Variants in RAD50 observed in about 807,000 individuals in gnomAD.
RAD50 encodes RAD50 double strand break repair protein.
Under a neutral mutation model 168.8 loss-of-function variants are expected in RAD50, and 132 were observed. That is an observed-to-expected ratio of 0.78 (90% CI 0.68 to 0.90). The LOEUF (loss-of-function observed/expected upper bound fraction) is 0.90, where lower values mean the gene tolerates loss of function less well. Ranked by LOEUF, RAD50 falls within the 40% of genes least tolerant of loss-of-function variation. The pLI, the probability that RAD50 is intolerant of heterozygous loss-of-function variation, is 0.00. For missense variants in RAD50, 1,347 were observed against 1,534.4 expected (o/e 0.88, Z 2.04); for synonymous variants, 525 against 497.4 (o/e 1.06, Z -0.74).
chr5:132,603,158 TA>T, intron 13 of RAD50, 141 bp from the exon 14 acceptor site: 2 of 762,100 alleles, frequency 2.6e-6, no homozygotes, highest in South Asian at 3.7e-5. Flanking sequence ...GACATATTGA[TA>T]TCATGATTCC....
Position 132,591,358 on chromosome 5 carries a change from CCA to C in RAD50, c.1588_1589del (p.His530SerfsTer17). 1 of 1,613,926 alleles carries C rather than the reference CCA, an allele frequency of 6.2e-7. No individual in the cohort carries two copies. The highest frequency in any genetic ancestry group is 1.7e-5 in the Admixed American group (1 of 60,010). ...TTGACCAGGAGATGGAGCAGTTAAA[CCA>C]TCATACAACAACACGTACCCAAATG... ...KLDQEMEQLNHHTTTRTQMEM... is the reference protein window; with the variant it reads ...KLDQEMEQLNXHTTTRTQMEM... On this transcript the variant is annotated frameshift_variant, in exon 10 of 25. Transcript: ENST00000378823. LOFTEE classifies it high-confidence loss of function.
At position 132,595,727 on chromosome 5, in the gene RAD50, T is replaced by C. The variant is rs61758782; in HGVS notation, c.2124T>C (p.Ala708=). Residue 708 remains alanine (A), a synonymous_variant, in exon 13 of 25, where the codon GCT becomes GCC. Transcript: ENST00000378823. ...ISDLQSKLRL[A]PDKLKSTESE... ...ATTTGCAGTCTAAACTGCGACTTGCTCCAGATAAACTCAAGTCAACAGAAT... is the reference window on the plus strand; with the variant it reads ...ATTTGCAGTCTAAACTGCGACTTGCCCCAGATAAACTCAAGTCAACAGAAT... The C allele has an allele frequency of 3.1e-6, 5 of 1,613,752 alleles. No homozygotes were observed. Among genetic ancestry groups the C allele is most frequent in the African/African-American group, 1.3e-5 (1 of 74,886 alleles).
At position 132,603,990 on chromosome 5, in the gene RAD50, G is replaced by C. The variant is rs572533256; in HGVS notation, c.2468G>C (p.Arg823Pro). 2.5e-6 allele frequency: 4 copies of C among 1,613,492 alleles called. No individual in the cohort carries two copies. Among genetic ancestry groups the C allele is most frequent in the Non-Finnish European group, 3.4e-6 (4 of 1,179,570 alleles). Residue 823 changes from arginine to proline, a missense_variant, in exon 15 of 25, where the codon CGA (arginine) becomes CCA (proline). Physicochemically the swap from Arg to Pro is moderately radical, Grantham distance 103 (BLOSUM62 -2). Transcript: ENST00000378823. ...AAGCTACAAGGAATAGACTTAGATC[G>C]AACTGTCCAACAAGTCAACCAGGAG... ...AAKLQGIDLD[R>P]TVQQVNQEKQ...
intron 19 of RAD50, among the ~76,000 whole-genome samples, chr5:132,615,087 T>C (rs1208383296): frequency 2.6e-5 from 4 of 152,216 alleles, no homozygotes; most frequent in Non-Finnish European, 2.9e-5. Flanking sequence ...AGAATAAGTT[T>C]TCTATACACA....
chr5:132,622,053 A>C (rs6892398), intron 21 of RAD50, among the ~76,000 whole-genome samples: 4,238 of 152,220 alleles, frequency 0.028, 208 homozygotes, highest in African/African-American at 0.097. Context: ...TATCTTGTTA[A>C]ATAAATTATT....
intron 5 of RAD50, among the ~76,000 whole-genome samples, chr5:132,587,140 C>G (rs1750607467): frequency 6.6e-6 from 1 of 152,136 alleles, no homozygotes; most frequent in African/African-American, 2.4e-5. Flanking sequence ...AAAGTATACT[C>G]TTCATGTAAA....
chr5:132,559,301 A>C lies in RAD50; in HGVS notation c.147A>C (p.Leu49=). The change falls in exon 2 of 25, where the codon CTA becomes CTC. Residue 49 remains leucine (L), a synonymous_variant. Coordinates refer to ENST00000378823, the MANE Select transcript of RAD50 (RefSeq NM_005732.4). ...TTCTTTAGACCATCATTGAATGTCT[A>C]AAATATATTTGTACTGGAGATTTCC... ...GAGKTTIIEC[L]KYICTGDFPP... is the part of the protein sequence containing the mutation. 6.2e-7 allele frequency: 1 copy of C among 1,606,446 alleles called. No individual in the cohort carries two copies. The highest frequency in any genetic ancestry group is 8.5e-7 in the Non-Finnish European group (1 of 1,176,410).
chr5:132,571,490 A>G (rs542940867), intron 2 of RAD50, among the ~76,000 whole-genome samples: 2 of 152,330 alleles, frequency 1.3e-5, no homozygotes, highest in East Asian at 1.9e-4. Flanking sequence ...TGGTGAAGCT[A>G]GGAGATACAC....
Position 132,642,949 on chromosome 5 carries a change from T to C in RAD50, c.*585T>C. 1 of 488,034 alleles carries C rather than the reference T, an allele frequency of 2.0e-6. No homozygotes were observed. 30.2% of individuals were successfully genotyped at this position (488,034 alleles called of 1,614,324 possible). ...GGGTCTCAAAGTTTGACAGGAACCT[T>C]AAGTAATCATCTAAGTCAGTACCCA... On this transcript the variant is annotated 3_prime_UTR_variant, in exon 25 of 25. Coordinates refer to ENST00000378823, the MANE Select transcript of RAD50 (RefSeq NM_005732.4).
At chr5:132,574,257 G>T (rs1034658631) in intron 2 of RAD50, among the ~76,000 whole-genome samples, 1 of 152,178 alleles carries the variant, frequency 6.6e-6, no homozygotes, top group African/African-American at 2.4e-5. Flanking sequence ...CTAGGCAGAG[G>T]TTCCCAAACC....
At chr5:132,633,587 G>T (rs10052993) in intron 21 of RAD50, among the ~76,000 whole-genome samples, 39,086 of 149,932 alleles carry the variant, frequency 0.26, 5,631 homozygotes, top group African/African-American at 0.39. Context: ...TTTGTTTTTT[G>T]TTTTTTCAGA....
At chr5:132,587,829 G>T (rs779377408) in intron 6 of RAD50, 95 bp from the exon 7 acceptor site, 129 of 1,537,230 alleles carry the variant, frequency 8.4e-5, no homozygotes, top group Non-Finnish European at 1.1e-4. Flanking sequence ...TAAAATGAAG[G>T]ATATTGAATA....
At chr5:132,637,227 C>G in intron 22 of RAD50, 27 bp downstream of exon 22, 1 of 1,604,800 alleles carries the variant, frequency 6.2e-7, no homozygotes, top group Non-Finnish European at 8.5e-7. Flanking sequence ...ATCACAAATG[C>G]TCTTTCCAAA....
intron 9 of RAD50, 70 bp downstream of exon 9, chr5:132,589,907 G>C: frequency 7.3e-7 from 1 of 1,362,510 alleles, no homozygotes; most frequent in Non-Finnish European, 1.0e-6. Context: ...GTCTATTTTT[G>C]ATCCTAAGAT....
intron 15 of RAD50, 79 bp downstream of exon 15, chr5:132,604,125 C>A: frequency 6.5e-7 from 1 of 1,541,718 alleles, no homozygotes; most frequent in Non-Finnish European, 8.9e-7. Context: ...AATTTTATAT[C>A]TGTTACATGG....
rs2149841026 is a variant in RAD50, at chr5:132,588,695, C to T, written c.1060C>T (p.Gln354Ter). 6.2e-7 allele frequency: 1 copy of T among 1,613,190 alleles called. No individual in the cohort carries two copies. The highest frequency in any genetic ancestry group is 1.1e-5 in the South Asian group (1 of 90,828). Reference sequence around the variant, plus strand: ...GATTTTTTTTTTAAAAGGTCGTCTACAGCTGCAAGCAGATCGCCATCAAGA... The same window carrying T: ...GATTTTTTTTTTAAAAGGTCGTCTATAGCTGCAAGCAGATCGCCATCAAGA... ...SELLVEQGRL[Q>*]LQADRHQEHI... Residue 354 changes from glutamine to a stop codon, truncating the protein, a stop_gained, in exon 8 of 25, where the codon CAG becomes TAG. Transcript: ENST00000378823. LOFTEE classifies it high-confidence loss of function.
At chr5:132,614,844 C>T (rs564620738) in intron 19 of RAD50, among the ~76,000 whole-genome samples, 25 of 151,674 alleles carry the variant, frequency 1.6e-4, no homozygotes, top group Non-Finnish European at 3.4e-4. Context: ...AAAAAAAACT[C>T]TAAAAATAGT....
At chr5:132,640,599 A>G (rs1561660822) in intron 23 of RAD50, 73 bp from the exon 24 acceptor site, 20 of 1,598,310 alleles carry the variant, frequency 1.3e-5, no homozygotes, top group Admixed American at 1.7e-5. Context: ...TGAAAAGATC[A>G]TGTCAGGACT....
chr5:132,631,608 C>G (rs2149859849), intron 21 of RAD50, among the ~76,000 whole-genome samples: 1 of 152,308 alleles, frequency 6.6e-6, no homozygotes, highest in South Asian at 2.1e-4. Context: ...CAGTCATGGA[C>G]TTTCAAGGTC....
Sources: gnomAD v4.1 joint callset for allele counts (sites outside exome capture counted in the v4.1 genomes callset) on GRCh38, gnomAD v4.1.1 for gene constraint, MANE v1.5 for transcripts, NCBI Gene and HGNC (gene_info 2026-07-23, HGNC 2026-07-21) for gene names.